Variants in GBP7 observed in about 807,000 individuals in gnomAD.
The protein encoded by GBP7 is guanylate binding protein 7, also known as guanylate-binding protein 7.
Under a neutral mutation model 61.3 loss-of-function variants are expected in GBP7, and 43 were observed. The ratio of observed to expected loss-of-function variants is 0.70; its 90% CI spans 0.55 to 0.91. The LOEUF (loss-of-function observed/expected upper bound fraction) is 0.91, where lower values mean the gene tolerates loss of function less well. Ranked by LOEUF, GBP7 falls within the 40% of genes least tolerant of loss-of-function variation. The probability of loss-of-function intolerance (pLI) is 0.00; values close to 1 mark genes in which losing one functional copy is unlikely to be tolerated. For missense variants in GBP7, 717 were observed against 740.5 expected, an observed-to-expected ratio of 0.97 and a Z score of 0.37; for synonymous variants, 267 against 271.0, an observed-to-expected ratio of 0.99 and a Z score of 0.14.
In GBP7 at chr1:89,171,911, C is replaced by G. The variant is rs765844048; in HGVS notation, c.25G>C (p.Gly9Arg). The G allele has an allele frequency of 6.2e-7, 1 of 1,612,972 alleles. No individual in the cohort carries two copies. Among genetic ancestry groups the G allele is most frequent in the South Asian group, 1.1e-5 (1 of 90,976 alleles). Residue 9 changes from glycine (G) to arginine (R), a missense_variant, in exon 2 of 11, where the codon GGC becomes CGC. Gly to Arg is a moderately radical substitution (Grantham distance 125). Coordinates refer to ENST00000294671, the MANE Select transcript of GBP7 (RefSeq NM_207398.3). ...GTGTTCTCAGTGAGGCACACTGGGCCTGGCATGTGGATCTCTGATGCCATG... is the reference window on the plus strand; with the variant it reads ...GTGTTCTCAGTGAGGCACACTGGGCGTGGCATGTGGATCTCTGATGCCATG... MASEIHMP[G>R]PVCLTENTKG...
Position 89,164,780 on chromosome 1 carries a change from T to C in GBP7, c.269A>G (p.Asn90Ser), listed in dbSNP as rs1016112538. The change falls in exon 3 of 11, where the codon AAC becomes AGC. Residue 90 changes from asparagine (N) to serine (S), a missense_variant. By Grantham distance (46) the Asn-to-Ser change is conservative (BLOSUM62 1). This residue lies in a region of GBP7 where 387 missense variants were observed against 385.2 expected (regional missense o/e 1.00). Coordinates refer to ENST00000294671, the MANE Select transcript of GBP7 (RefSeq NM_207398.3). ...MWCVPHPSKP[N>S]HTLILLDTEG... ...CGTGTCCAGAAGGATCAGGGTGTGG[T>C]TTGGCTTGGAGGGGTGGGGCACACA... 1.2e-6 allele frequency: 2 copies of C among 1,613,934 alleles called. No individual in the cohort carries two copies. Among genetic ancestry groups the C allele is most frequent in the African/African-American group, 2.7e-5 (2 of 74,918 alleles).
chr1:89,152,556 G>A, intron 4 of GBP7, 92 bp from the exon 5 acceptor site: 1 of 1,500,796 alleles, frequency 6.7e-7, no homozygotes, highest in South Asian at 1.2e-5. Context: ...CTTTTGCACT[G>A]TTTCTCTTCT....
At chr1:89,159,298 T>C (rs560419796) in intron 3 of GBP7, among the ~76,000 whole-genome samples, 10 of 152,284 alleles carry the variant, frequency 6.6e-5, no homozygotes, top group African/African-American at 2.4e-4. Context: ...GACATAGGCA[T>C]GGGCAAAGAC....
intron 9 of GBP7, among the ~76,000 whole-genome samples, chr1:89,133,675 C>T (rs1396331539): frequency 6.6e-6 from 1 of 152,144 alleles, no homozygotes; most frequent in African/African-American, 2.4e-5. Flanking sequence ...GAACCTTGCA[C>T]AGGTTGCCAA....
At chr1:89,172,483 A>G (rs1647632252) in intron 1 of GBP7, among the ~76,000 whole-genome samples, 1 of 152,134 alleles carries the variant, frequency 6.6e-6, no homozygotes, top group Admixed American at 6.5e-5. Flanking sequence ...AATATCCTTC[A>G]ATTTGGAGTT....
chr1:89,175,100 G>C (rs2100665562), intron 1 of GBP7, among the ~76,000 whole-genome samples: 1 of 152,228 alleles, frequency 6.6e-6, no homozygotes, highest in Non-Finnish European at 1.5e-5. Context: ...TAACTTATGT[G>C]ATCATGATAC....
At chr1:89,155,106 C>T (rs1682283880) in intron 3 of GBP7, among the ~76,000 whole-genome samples, 1 of 152,222 alleles carries the variant, frequency 6.6e-6, no homozygotes, top group African/African-American at 2.4e-5. Context: ...AGTGGACCTC[C>T]AGCAAACTCC....
intron 1 of GBP7, among the ~76,000 whole-genome samples, chr1:89,174,293 A>C (rs561659219): frequency 6.6e-6 from 1 of 152,322 alleles, no homozygotes; most frequent in East Asian, 1.9e-4. Flanking sequence ...GCTTGGTCAA[A>C]AGATGAGAGT....
intron 2 of GBP7, among the ~76,000 whole-genome samples, chr1:89,168,797 AACAAC>A (rs1019133052): frequency 6.6e-6 from 1 of 151,738 alleles, no homozygotes; most frequent in Non-Finnish European, 1.5e-5. Context: ...CAACAACAAC[AACAAC>A]AACAACAACA....
intron 3 of GBP7, among the ~76,000 whole-genome samples, chr1:89,162,069 G>T (rs28865896): frequency 1.4e-5 from 2 of 144,976 alleles, no homozygotes; most frequent in Non-Finnish European, 1.5e-5. Context: ...GTTTGTCAAA[G>T]ATCAGATAGT....
rs748026424 is a variant in GBP7, at chr1:89,164,756, G to A, written c.293C>T (p.Thr98Met). Residue 98 changes from threonine to methionine, a missense_variant, in exon 3 of 11, where the codon ACG becomes ATG. Physicochemically the swap from Thr to Met is moderately conservative, Grantham distance 81 (BLOSUM62 -1). Around this residue, in one of 3 missense-constraint regions of GBP7, gnomAD observed 387 missense variants for 385.2 expected, o/e 1.00. Transcript: ENST00000294671. ...CTTTTCCATATCACCCAGGCCCTCC[G>A]TGTCCAGAAGGATCAGGGTGTGGTT... ...KPNHTLILLD[T>M]EGLGDMEKSD... 2 of 1,613,822 alleles carry A rather than the reference G, an allele frequency of 1.2e-6. No homozygotes were observed. The highest frequency in any genetic ancestry group is 1.1e-5 in the South Asian group (1 of 91,076).
intron 10 of GBP7, among the ~76,000 whole-genome samples, 200 bp downstream of exon 10, chr1:89,133,058 C>G (rs1681715116): frequency 6.6e-6 from 1 of 152,202 alleles, no homozygotes; most frequent in African/African-American, 2.4e-5. Flanking sequence ...TGTGTACTCT[C>G]CAAAGTCTAA....
intron 3 of GBP7, among the ~76,000 whole-genome samples, chr1:89,160,386 A>C (rs974776139): frequency 1.3e-5 from 2 of 152,182 alleles, no homozygotes; most frequent in African/African-American, 4.8e-5. Context: ...TAACTTCCTC[A>C]TATGTGAAGA....
At chr1:89,162,989 T>C (rs1264549850) in intron 3 of GBP7, among the ~76,000 whole-genome samples, 3 of 152,112 alleles carry the variant, frequency 2.0e-5, no homozygotes, top group Admixed American at 2.0e-4. Flanking sequence ...TGAATTTTAT[T>C]GAAAACATTT....
At chr1:89,141,790 TC>T in intron 8 of GBP7, 142 bp from the exon 9 acceptor site, 1 of 647,884 alleles carries the variant, frequency 1.5e-6, no homozygotes, top group Non-Finnish European at 2.7e-6. Context: ...TTTCTTTCCT[TC>T]CACAGCCACA....
intron 10 of GBP7, 135 bp from the exon 11 acceptor site, chr1:89,132,538 C>T: frequency 1.4e-5 from 9 of 665,776 alleles, no homozygotes; most frequent in South Asian, 1.2e-4. Context: ...GTTGGTCTGA[C>T]ATTTCCAGAT....
chr1:89,175,727 C>A (rs1227549957), intron 1 of GBP7, among the ~76,000 whole-genome samples, 194 bp downstream of exon 1: 1 of 152,158 alleles, frequency 6.6e-6, no homozygotes, highest in Non-Finnish European at 1.5e-5. Flanking sequence ...TCTGTTCCAC[C>A]TCTGCTGAAG....
chr1:89,147,611 T>C lies in GBP7; in HGVS notation c.1321A>G (p.Lys441Glu). ...GHNIYLEAKK[K>E]IEQDYTLVPR... Reference sequence around the variant, plus strand: ...ACTAGTGTATAGTCCTGTTCAATCTTCTTTTTTGCTTCTAAGTAGATATTG... The same window carrying C: ...ACTAGTGTATAGTCCTGTTCAATCTCCTTTTTTGCTTCTAAGTAGATATTG... The change falls in exon 8 of 11, where the codon AAG (lysine) becomes GAG (glutamate). Residue 441 changes from lysine to glutamate, a missense_variant. By Grantham distance (56) the Lys-to-Glu change is moderately conservative. Around this residue, in one of 3 missense-constraint regions of GBP7, gnomAD observed 312 missense variants for 310.1 expected, o/e 1.01. Coordinates refer to ENST00000294671, the MANE Select transcript of GBP7 (RefSeq NM_207398.3). 1 of 1,614,134 alleles carries C rather than the reference T, an allele frequency of 6.2e-7. No individual in the cohort carries two copies. Among genetic ancestry groups the C allele is most frequent in the Non-Finnish European group, 8.5e-7 (1 of 1,179,980 alleles).
At chr1:89,137,020 T>A (rs766547934) in intron 9 of GBP7, among the ~76,000 whole-genome samples, 33 of 152,062 alleles carry the variant, frequency 2.2e-4, no homozygotes, top group Non-Finnish European at 4.3e-4. Flanking sequence ...GAGACTATTA[T>A]GAACACCACT....
Sources: allele counts gnomAD v4.1 joint callset (sites outside exome capture counted in the v4.1 genomes callset), GRCh38; gene constraint gnomAD v4.1.1; regional missense constraint gnomAD v4.1.1; transcripts MANE v1.5; gene names NCBI Gene and HGNC (gene_info 2026-07-23, HGNC 2026-07-21).